The following ABI3BP variants were observed in gnomAD, a reference collection of about 807,000 sequenced individuals.
ABI3BP encodes target of Nesh-SH3.
A neutral mutation model predicts 268.6 loss-of-function variants in ABI3BP; 216 were observed. The ratio of observed to expected loss-of-function variants is 0.80; its 90% CI spans 0.72 to 0.90. The LOEUF (loss-of-function observed/expected upper bound fraction) is 0.90. Among genes scored for constraint, ABI3BP ranks in the 40% least tolerant of loss-of-function variants. ABI3BP has a pLI of 0.00. For synonymous variants in ABI3BP, 730 were observed against 730.0 expected, an observed-to-expected ratio of 1.00 and a Z score of 0.00; for missense variants, 2,090 against 2,182.4, an observed-to-expected ratio of 0.96 and a Z score of 0.84.
chr3:100,902,120 T>C (rs1027443758), intron 3 of ABI3BP, among the ~76,000 whole-genome samples: 4 of 152,220 alleles, frequency 2.6e-5, no homozygotes, highest in Admixed American at 2.0e-4. Context: ...AAAACCTACA[T>C]GCTGATCTAT....
chr3:100,953,269 A>G (rs965206641), intron 1 of ABI3BP, among the ~76,000 whole-genome samples: 1 of 152,160 alleles, frequency 6.6e-6, no homozygotes, highest in African/African-American at 2.4e-5. Context: ...TAATCACTGT[A>G]CAATACTACT....
At chr3:100,947,965 C>T (rs1237696688) in intron 1 of ABI3BP, among the ~76,000 whole-genome samples, 1 of 151,902 alleles carries the variant, frequency 6.6e-6, no homozygotes, top group Non-Finnish European at 1.5e-5. Flanking sequence ...AGTCAGCCAA[C>T]GTTTAAGTGT....
At chr3:100,784,237 T>G (rs553481059) in intron 57 of ABI3BP, among the ~76,000 whole-genome samples, 1 of 152,306 alleles carries the variant, frequency 6.6e-6, no homozygotes, top group East Asian at 1.9e-4. Context: ...CTGTTTTTCC[T>G]TTTTTAAGTC....
Position 100,770,825 on chromosome 3 carries a change from G to A in ABI3BP, c.4659C>T (p.Thr1553=), listed in dbSNP as rs1213244161. Residue 1553 remains threonine (T), a synonymous_variant, in exon 62 of 68, where the codon ACC becomes ACT. Coordinates refer to ENST00000471714, the MANE Select transcript of ABI3BP (RefSeq NM_001375547.2). ...NATSPPQNPP[T]NLTVVTVEGC... is the part of the protein sequence containing the mutation. ...CTTCCACGGTGACCACAGTGAGGTT[G>A]GTGGGTGGGTTCTGTGGTGGGCTGG... 1.3e-6 allele frequency: 2 copies of A among 1,599,508 alleles called. No homozygotes were observed. The highest frequency in any genetic ancestry group is 2.3e-5 in the South Asian group (2 of 87,374).
intron 2 of ABI3BP, among the ~76,000 whole-genome samples, chr3:100,924,469 T>A (rs1404492736): frequency 2.6e-5 from 4 of 152,188 alleles, no homozygotes; most frequent in Non-Finnish European, 4.4e-5. Flanking sequence ...AGAAATGTGA[T>A]ACCTGGTTAT....
In ABI3BP at chr3:100,778,776, A is replaced by G. The variant is rs140304010; in HGVS notation, c.4241-400T>C. The stretch of plus-strand genomic sequence containing the variant: ...TATTTATATTGCATTAGGTATTATA[A>G]TGGAAGATTTAAGTATATGGGAAGA... On this transcript the variant is annotated intron_variant, in intron 58 of 67. Transcript: ENST00000471714. The G allele has an allele frequency of 1.4e-4, 26 of 180,160 alleles. No homozygotes were observed. The East Asian group carries it at 4.3e-3, about 30-fold the overall frequency. 11.2% of individuals were successfully genotyped at this position (180,160 alleles called of 1,614,324 possible).
chr3:100,912,084 A>T, intron 2 of ABI3BP: 1 of 678,686 alleles, frequency 1.5e-6, no homozygotes, highest in Non-Finnish European at 2.7e-6. Context: ...TTACTTCCTT[A>T]AGAAGAACAC....
At chr3:100,814,220 A>AAAGCAGG (rs1404221054) in intron 44 of ABI3BP, among the ~76,000 whole-genome samples, 4 of 152,178 alleles carry the variant, frequency 2.6e-5, no homozygotes, top group Admixed American at 1.3e-4. Context: ...TCCTTCTGAA[A>AAAGCAGG]AAGCAGGAGC....
intron 1 of ABI3BP, among the ~76,000 whole-genome samples, chr3:100,989,206 T>G (rs913681423): frequency 1.3e-5 from 2 of 152,212 alleles, no homozygotes; most frequent in Non-Finnish European, 1.5e-5. Flanking sequence ...ACTTTGATCA[T>G]GGACTTCCCA....
At chr3:100,875,471 T>G (rs768492342) in intron 8 of ABI3BP, 37 bp downstream of exon 8, 2 of 1,463,180 alleles carry the variant, frequency 1.4e-6, no homozygotes, top group Admixed American at 1.9e-5. Flanking sequence ...ATAGCCCGAT[T>G]TGCTTAATCT....
At chr3:100,842,736 A>C (rs2098720738) in intron 20 of ABI3BP, among the ~76,000 whole-genome samples, 1 of 152,216 alleles carries the variant, frequency 6.6e-6, no homozygotes, top group African/African-American at 2.4e-5. Flanking sequence ...ATTAAACTTC[A>C]TGTTGAATTT....
chr3:100,775,722 C>A (rs1295444692), intron 59 of ABI3BP, among the ~76,000 whole-genome samples: 1 of 151,994 alleles, frequency 6.6e-6, no homozygotes, highest in African/African-American at 2.4e-5. Context: ...GAGGTTATAA[C>A]AAGAAACATG....
At chr3:100,772,553 A>G (rs939461368) in intron 61 of ABI3BP, among the ~76,000 whole-genome samples, 11 of 152,202 alleles carry the variant, frequency 7.2e-5, no homozygotes, top group Non-Finnish European at 2.9e-5. Context: ...TAAATTAAAG[A>G]TACATACTAT....
Position 100,847,677 on chromosome 3 carries a change from G to T in ABI3BP, c.1577-4C>A. 6.2e-7 allele frequency: 1 copy of T among 1,612,322 alleles called. No homozygotes were observed. Among genetic ancestry groups the T allele is most frequent in the Non-Finnish European group, 8.5e-7 (1 of 1,178,530 alleles). The stretch of plus-strand genomic sequence containing the variant: ...GTTCCGGCACTTGTGGTTCTTTCTG[G>T]TGATGGAAAGGAAAAAAATATTGAA... On this transcript the variant is annotated splice_polypyrimidine_tract_variant and splice_region_variant and intron_variant, in intron 18 of 67. Coordinates refer to ENST00000471714, the MANE Select transcript of ABI3BP (RefSeq NM_001375547.2).
At chr3:100,952,364 A>G (rs2153774570) in intron 1 of ABI3BP, among the ~76,000 whole-genome samples, 1 of 152,334 alleles carries the variant, frequency 6.6e-6, no homozygotes, top group East Asian at 1.9e-4. Context: ...TACAATGTAT[A>G]CATATTTCAA....
chr3:100,975,116 A>G (rs1294833212), intron 1 of ABI3BP, among the ~76,000 whole-genome samples: 1 of 152,174 alleles, frequency 6.6e-6, no homozygotes, highest in African/African-American at 2.4e-5. Flanking sequence ...TAATAATTCC[A>G]TATGTTAGTA....
At chr3:100,779,598 A>G (rs2096807912) in intron 58 of ABI3BP, among the ~76,000 whole-genome samples, 1 of 150,842 alleles carries the variant, frequency 6.6e-6, no homozygotes, top group East Asian at 1.9e-4. Flanking sequence ...TACTAGTAAG[A>G]GAAAGACTCT....
chr3:100,977,136 T>C (rs556348664), intron 1 of ABI3BP, among the ~76,000 whole-genome samples: 58 of 152,320 alleles, frequency 3.8e-4, no homozygotes, highest in South Asian at 2.5e-3. Context: ...CTTTTGCCCA[T>C]AGGCAAAACT....
In ABI3BP at chr3:100,787,774, A is replaced by G. The variant is rs1422094162; in HGVS notation, c.4116T>C (p.Thr1372=). 1.3e-6 allele frequency: 2 copies of G among 1,532,244 alleles called. No individual in the cohort carries two copies. The highest frequency in any genetic ancestry group is 2.0e-5 in the Admixed American group (1 of 50,438). 94.9% of individuals were successfully genotyped at this position (1,532,244 alleles called of 1,614,324 possible). A position where few individuals can be genotyped will look rare whatever the true frequency, so the allele number is the denominator to read the frequency against. The change falls in exon 57 of 68, where the codon ACT becomes ACC. Residue 1372 remains threonine (T), a synonymous_variant. Coordinates refer to ENST00000471714, the MANE Select transcript of ABI3BP (RefSeq NM_001375547.2). ...TGGGCATCCCACTGGGTTTGGGCCT[A>G]GTAGGTCTTGTAGTTGTCCTATTCA... ...PVLNRTTTRP[T]RPKPSGMPSG...
Sources: allele counts gnomAD v4.1 joint callset (sites outside exome capture counted in the v4.1 genomes callset), GRCh38; gene constraint gnomAD v4.1.1; transcripts MANE v1.5; gene names NCBI Gene and HGNC (gene_info 2026-07-23, HGNC 2026-07-21).